NCKAP5: variants seen among roughly 807,000 people sequenced by gnomAD.
NCKAP5 encodes NCK associated protein 5, also known as nck-associated protein 5.
Under a neutral mutation model 167.0 loss-of-function variants are expected in NCKAP5, and 92 were observed. The observed-to-expected ratio is 0.55, with a 90% CI of 0.47 to 0.66. NCKAP5 has a LOEUF of 0.66. Ranked by LOEUF, NCKAP5 falls within the 30% of genes least tolerant of loss-of-function variation. The probability of loss-of-function intolerance (pLI) is 0.00; values close to 1 mark genes in which losing one functional copy is unlikely to be tolerated. For missense variants in NCKAP5, 2,378 were observed against 2,315.0 expected (o/e 1.03, Z -0.56); for synonymous variants, 891 against 877.4 (o/e 1.02, Z -0.27).
chr2:133,174,354 GT>G (rs1469148313), intron 5 of NCKAP5, among the ~76,000 whole-genome samples: 1 of 152,074 alleles, frequency 6.6e-6, no homozygotes, highest in East Asian at 1.9e-4. Flanking sequence ...TGGCTTACTT[GT>G]AGTAGGCTCT....
At chr2:133,254,967 C>G (rs1348278326) in intron 4 of NCKAP5, among the ~76,000 whole-genome samples, 3 of 151,970 alleles carry the variant, frequency 2.0e-5, no homozygotes, top group Non-Finnish European at 2.9e-5. Context: ...GAGCCTGGAA[C>G]TTGAATTCAA....
At chr2:133,589,823 GAGA>G in the NCKAP5 span, among the ~76,000 whole-genome samples, 11 of 152,170 alleles carry the variant, frequency 7.2e-5, no homozygotes, top group African/African-American at 9.6e-5. Context: ...GCCTTAGAGA[GAGA>G]AGAAGATGTT....
intron 4 of NCKAP5, among the ~76,000 whole-genome samples, chr2:133,247,163 A>T (rs1038273988): frequency 6.6e-6 from 1 of 152,344 alleles, no homozygotes; most frequent in South Asian, 2.1e-4. Context: ...CTGCTTAAAA[A>T]GAATCAAATA....
At chr2:133,133,462 C>A (rs557068698) in intron 5 of NCKAP5, among the ~76,000 whole-genome samples, 1 of 152,168 alleles carries the variant, frequency 6.6e-6, no homozygotes, top group Middle Eastern at 3.2e-3. Context: ...GATCTCAAAT[C>A]GCTGCACCAG....
chr2:132,861,337 C>T (rs758213945), intron 10 of NCKAP5, among the ~76,000 whole-genome samples: 5 of 152,050 alleles, frequency 3.3e-5, no homozygotes, highest in Non-Finnish European at 7.4e-5. Flanking sequence ...CTAGAACTGC[C>T]TTCCAAACTG....
chr2:133,619,734 A>C, the NCKAP5 span, among the ~76,000 whole-genome samples: 2 of 152,176 alleles, frequency 1.3e-5, no homozygotes. Context: ...TAGACATCCA[A>C]ATACAAGAAG....
intron 4 of NCKAP5, among the ~76,000 whole-genome samples, chr2:133,299,093 G>A (rs1051329438): frequency 8.7e-4 from 132 of 152,006 alleles, no homozygotes; most frequent in African/African-American, 3.0e-3. Flanking sequence ...CATTAGGGTC[G>A]AACAGACTTC....
intron 3 of NCKAP5, among the ~76,000 whole-genome samples, chr2:133,336,847 G>GGA (rs1267871256): frequency 6.6e-6 from 1 of 152,140 alleles, no homozygotes; most frequent in African/African-American, 2.4e-5. Context: ...AAAGTGACAG[G>GGA]GAGCAGGCTT....
chr2:132,934,220 T>C (rs941162058), intron 8 of NCKAP5, among the ~76,000 whole-genome samples: 2 of 152,230 alleles, frequency 1.3e-5, no homozygotes, highest in African/African-American at 4.8e-5. Context: ...AATTATTAGA[T>C]ACCTCTGGTG....
intron 8 of NCKAP5, among the ~76,000 whole-genome samples, chr2:132,943,874 A>C (rs1486596165): frequency 1.3e-5 from 2 of 152,202 alleles, no homozygotes; most frequent in African/African-American, 4.8e-5. Flanking sequence ...GAGTTCAGAA[A>C]CTGCAGACAT....
chr2:133,451,442 C>T lies in NCKAP5; in HGVS notation c.69+66016G>A, dbSNP rs142641766. On this transcript the variant is annotated intron_variant, in intron 3 of 19. Transcript: ENST00000409261. ...CCTTTTCAGTAATCAACTTCATCAG[C>T]GAAAGTCAAGTCATTTTCTGCTGAA... 3.0e-3 allele frequency among the ~76,000 whole-genome samples: 456 copies of T among 152,282 alleles called. 4 individuals carry two copies. The highest frequency in any genetic ancestry group is 0.011 in the African/African-American group (437 of 41,554).
chr2:133,536,430 A>C (rs1005238210), intron 2 of NCKAP5, among the ~76,000 whole-genome samples: 1 of 152,120 alleles, frequency 6.6e-6, no homozygotes, highest in African/African-American at 2.4e-5. Flanking sequence ...CAACTGTGTC[A>C]AAATTCAGTT....
chr2:133,606,792 T>G, the NCKAP5 span, among the ~76,000 whole-genome samples: 37 of 150,244 alleles, frequency 2.5e-4, 1 homozygote, highest in South Asian at 7.6e-3. Flanking sequence ...TTCTACATAC[T>G]GAAACCACAA....
chr2:133,638,986 G>T, the NCKAP5 span, among the ~76,000 whole-genome samples: 1 of 151,758 alleles, frequency 6.6e-6, no homozygotes, highest in East Asian at 1.9e-4. Context: ...GAATGAAAAA[G>T]ATAATTAAAC....
At chr2:133,129,589 A>G (rs1036507036) in intron 6 of NCKAP5, among the ~76,000 whole-genome samples, 1 of 152,186 alleles carries the variant, frequency 6.6e-6, no homozygotes, top group African/African-American at 2.4e-5. Flanking sequence ...AGCATGATTT[A>G]TAATCCTTTG....
chr2:133,176,594 C>T (rs1397385803), intron 5 of NCKAP5, among the ~76,000 whole-genome samples: 1 of 152,184 alleles, frequency 6.6e-6, no homozygotes, highest in Non-Finnish European at 1.5e-5. Flanking sequence ...GTAACAACAA[C>T]TCCCAATATT....
intron 3 of NCKAP5, among the ~76,000 whole-genome samples, chr2:133,490,332 A>G (rs750503511): frequency 6.6e-6 from 1 of 152,130 alleles, no homozygotes; most frequent in Non-Finnish European, 1.5e-5. Flanking sequence ...GGGAACACCC[A>G]CCTATTCCCA....
Position 133,372,288 on chromosome 2 carries a change from A to AG in NCKAP5, c.70-69179_70-69178insC, listed in dbSNP as rs1276459714. ...CTGGGTCTGCCTTGAAGGTTTCATT[A>AG]TAGAATAATGGGCAGTGTTGTGGAA... On this transcript the variant is annotated intron_variant, in intron 3 of 19. Coordinates refer to ENST00000409261, the MANE Select transcript of NCKAP5 (RefSeq NM_207363.3). 2.0e-5 allele frequency among the ~76,000 whole-genome samples: 3 copies of AG among 152,208 alleles called. No homozygotes were observed. The East Asian group carries it at 5.8e-4, about 29-fold the overall frequency.
At chr2:132,684,243 C>T (rs1468849804) in intron 19 of NCKAP5, among the ~76,000 whole-genome samples, 1 of 152,158 alleles carries the variant, frequency 6.6e-6, no homozygotes, top group Non-Finnish European at 1.5e-5. Flanking sequence ...AAACACAATG[C>T]GATTGCTATG....
Sources: gnomAD v4.1 joint callset for allele counts (sites outside exome capture counted in the v4.1 genomes callset) on GRCh38, gnomAD v4.1.1 for gene constraint, MANE v1.5 for transcripts, NCBI Gene and HGNC (gene_info 2026-07-23, HGNC 2026-07-21) for gene names.